ERBB4: variants seen among roughly 807,000 people sequenced by gnomAD.
The protein encoded by ERBB4 is receptor tyrosine-protein kinase erbB-4.
A neutral mutation model predicts 158.0 loss-of-function variants in ERBB4; 42 were observed. That is an observed-to-expected ratio of 0.27 (90% CI 0.21 to 0.34). The LOEUF is 0.34. Among genes scored for constraint, ERBB4 ranks in the 10% least tolerant of loss-of-function variants. The pLI is 1.00. For synonymous variants in ERBB4, 583 were observed against 558.7 expected (o/e 1.04, Z -0.61); for missense variants, 1,333 against 1,624.1 (o/e 0.82, Z 3.08).
At chr2:212,282,188 G>A (rs2085783969) in intron 1 of ERBB4, among the ~76,000 whole-genome samples, 1 of 151,770 alleles carries the variant, frequency 6.6e-6, no homozygotes, top group Non-Finnish European at 1.5e-5. Context: ...CCATAGAAAA[G>A]ATTAACCTGG....
intron 3 of ERBB4, among the ~76,000 whole-genome samples, chr2:211,811,247 G>T (rs1411853118): frequency 1.3e-5 from 2 of 152,118 alleles, no homozygotes; most frequent in African/African-American, 4.8e-5. Context: ...TGTGTTTAAA[G>T]GATTTTTTCT....
chr2:212,400,400 G>A (rs1265824068), intron 1 of ERBB4, among the ~76,000 whole-genome samples: 3 of 152,278 alleles, frequency 2.0e-5, no homozygotes, highest in African/African-American at 4.8e-5. Context: ...CCATGACAGT[G>A]AAAGACAGGA....
intron 5 of ERBB4, among the ~76,000 whole-genome samples, chr2:211,728,761 T>C (rs2074348565): frequency 6.6e-6 from 1 of 151,892 alleles, no homozygotes; most frequent in Admixed American, 6.6e-5. Flanking sequence ...ATTTTAATCA[T>C]AGACAGATAT....
chr2:211,946,761 T>C (rs981636481), intron 3 of ERBB4, among the ~76,000 whole-genome samples: 5 of 152,010 alleles, frequency 3.3e-5, no homozygotes, highest in South Asian at 2.1e-4. Flanking sequence ...CACCCTGAGC[T>C]ATGTGAACTG....
chr2:212,256,336 C>A (rs2084738531), intron 1 of ERBB4, among the ~76,000 whole-genome samples: 2 of 151,980 alleles, frequency 1.3e-5, no homozygotes, highest in Admixed American at 1.3e-4. Flanking sequence ...TTTGATGAGT[C>A]AGATAATTTG....
intron 14 of ERBB4, among the ~76,000 whole-genome samples, chr2:211,672,421 A>T (rs996894655): frequency 2.6e-5 from 4 of 152,174 alleles, no homozygotes; most frequent in African/African-American, 9.7e-5. Context: ...AGAGAGGTCT[A>T]AAAAATAATT....
intron 12 of ERBB4, among the ~76,000 whole-genome samples, chr2:211,698,088 G>A (rs940722916): frequency 3.3e-5 from 5 of 151,986 alleles, no homozygotes; most frequent in South Asian, 2.1e-4. Flanking sequence ...AGGCCGAGGC[G>A]GGCGGATCAC....
intron 12 of ERBB4, among the ~76,000 whole-genome samples, chr2:211,690,291 A>T (rs2072753499): frequency 6.6e-6 from 1 of 152,030 alleles, no homozygotes; most frequent in South Asian, 2.1e-4. Context: ...CAGGTTTGCT[A>T]TCTTCTCCCT....
chr2:211,986,678 G>A (rs2081944821), intron 2 of ERBB4, among the ~76,000 whole-genome samples: 1 of 152,080 alleles, frequency 6.6e-6, no homozygotes, highest in South Asian at 2.1e-4. Flanking sequence ...TTTCTCTGTG[G>A]CATAACAGGT....
At chr2:211,830,253 A>G (rs1418296255) in intron 3 of ERBB4, among the ~76,000 whole-genome samples, 1 of 152,112 alleles carries the variant, frequency 6.6e-6, no homozygotes, top group Non-Finnish European at 1.5e-5. Context: ...GTTATTGTAA[A>G]TCACACTGGA....
At chr2:212,034,264 T>A (rs998050898) in intron 2 of ERBB4, among the ~76,000 whole-genome samples, 3 of 151,998 alleles carry the variant, frequency 2.0e-5, no homozygotes, top group Non-Finnish European at 4.4e-5. Flanking sequence ...TTTACCTACA[T>A]TCACTTTGTG....
At chr2:211,595,839 T>C (rs1369342725) in intron 19 of ERBB4, among the ~76,000 whole-genome samples, 3 of 152,212 alleles carry the variant, frequency 2.0e-5, no homozygotes, top group Non-Finnish European at 2.9e-5. Flanking sequence ...TTCTTCAGGC[T>C]GACTGTGGGA....
chr2:211,919,182 C>G (rs978326851), intron 3 of ERBB4, among the ~76,000 whole-genome samples: 1 of 151,976 alleles, frequency 6.6e-6, no homozygotes, highest in Non-Finnish European at 1.5e-5. Flanking sequence ...GGGGCAGTTT[C>G]CAAAGTAATT....
intron 2 of ERBB4, among the ~76,000 whole-genome samples, chr2:211,993,411 T>C (rs1159979183): frequency 6.6e-6 from 1 of 152,106 alleles, no homozygotes; most frequent in African/African-American, 2.4e-5. Context: ...CTCTAGAACT[T>C]CGAGAAAATA....
intron 20 of ERBB4, among the ~76,000 whole-genome samples, chr2:211,436,351 AGGAGT>A (rs2063854204): frequency 6.6e-6 from 1 of 152,192 alleles, no homozygotes. Context: ...TAGAGTGGGT[AGGAGT>A]GTAGATTCTG....
intron 1 of ERBB4, among the ~76,000 whole-genome samples, chr2:212,233,418 A>T (rs1047462714): frequency 7.9e-5 from 12 of 152,126 alleles, no homozygotes; most frequent in Admixed American, 3.9e-4. Flanking sequence ...TATTTTTCAT[A>T]CTATTTTCAA....
At chr2:212,308,173 A>T (rs539250781) in intron 1 of ERBB4, among the ~76,000 whole-genome samples, 2 of 151,310 alleles carry the variant, frequency 1.3e-5, no homozygotes, top group African/African-American at 4.8e-5. Context: ...GAAGAAACAT[A>T]GGCACACCGT....
At chr2:212,333,637 C>A (rs1418763066) in intron 1 of ERBB4, among the ~76,000 whole-genome samples, 2 of 150,588 alleles carry the variant, frequency 1.3e-5, no homozygotes, top group South Asian at 2.1e-4. Flanking sequence ...GAGGCTCCAG[C>A]GAGCCATGAT....
At chr2:211,800,654 T>A (rs2105888532) in intron 3 of ERBB4, among the ~76,000 whole-genome samples, 1 of 125,094 alleles carries the variant, frequency 8.0e-6, no homozygotes, top group East Asian at 2.2e-4. Flanking sequence ...TGAAAAACTG[T>A]GCGTTAAAAA....
Sources: gnomAD v4.1 joint callset for allele counts (sites outside exome capture counted in the v4.1 genomes callset) on GRCh38, gnomAD v4.1.1 for gene constraint, MANE v1.5 for transcripts, NCBI Gene and HGNC (gene_info 2026-07-23, HGNC 2026-07-21) for gene names.